Variants in ATP2C1 observed in about 807,000 individuals in gnomAD.
ATP2C1 encodes calcium-transporting ATPase type 2C member 1.
A neutral mutation model predicts 120.5 loss-of-function variants in ATP2C1; 31 were observed. That is an observed-to-expected ratio of 0.26 (90% CI 0.19 to 0.35). The LOEUF is 0.35. Among genes scored for constraint, ATP2C1 ranks in the 10% least tolerant of loss-of-function variants. ATP2C1 has a pLI of 1.00. For missense variants in ATP2C1, 731 were observed against 1,107.5 expected (o/e 0.66, Z 4.83); for synonymous variants, 351 against 358.7 (o/e 0.98, Z 0.24).
At chr3:130,860,199 C>G (rs1357196976) in intron 1 of ATP2C1, among the ~76,000 whole-genome samples, 1 of 152,144 alleles carries the variant, frequency 6.6e-6, no homozygotes. Flanking sequence ...CTATCCCATT[C>G]CATGTTTTAG....
chr3:130,894,692 T>C lies in ATP2C1; in HGVS notation c.-78T>C. The C allele has an allele frequency of 6.2e-7, 1 of 1,613,844 alleles. No individual in the cohort carries two copies. Among genetic ancestry groups the C allele is most frequent in the South Asian group, 1.1e-5 (1 of 91,064 alleles). ...GCTTCTCTTCCTTGTCCTCCTCCTC[T>C]CCTCTCTATTCCCAGTGTGGCCGTG... On this transcript the variant is annotated 5_prime_UTR_variant, in exon 2 of 28. Transcript: ENST00000510168. This position sits in a 1 kb window ranked among gnomAD's most constrained non-coding sequence, Gnocchi z 4.5.
intron 20 of ATP2C1, among the ~76,000 whole-genome samples, chr3:130,989,958 A>G (rs891530466): frequency 1.3e-5 from 2 of 152,118 alleles, no homozygotes; most frequent in Non-Finnish European, 2.9e-5. Flanking sequence ...GGATTTTTGA[A>G]CTTTTTTGAA....
intron 8 of ATP2C1, among the ~76,000 whole-genome samples, chr3:130,942,155 T>C (rs2059950472): frequency 6.6e-6 from 1 of 151,964 alleles, no homozygotes. Context: ...AATTGAAGAG[T>C]AGTACTGGAC....
intron 4 of ATP2C1, 33 bp downstream of exon 4, chr3:130,932,171 A>G (rs1477769007): frequency 8.1e-7 from 1 of 1,233,576 alleles, no homozygotes; most frequent in Non-Finnish European, 1.2e-6. Flanking sequence ...TCTACTGTGT[A>G]ATTTATTAAT....
intron 17 of ATP2C1, 111 bp downstream of exon 17, chr3:130,969,507 T>G: frequency 5.1e-6 from 4 of 786,738 alleles, no homozygotes; most frequent in Non-Finnish European, 8.9e-6. Flanking sequence ...ACTTGTTGCT[T>G]TAAAGTACAT....
chr3:130,940,668 A>G lies in ATP2C1; in HGVS notation c.399A>G (p.Lys133=). 1 of 1,612,700 alleles carries G rather than the reference A, an allele frequency of 6.2e-7. No individual in the cohort carries two copies. The highest frequency in any genetic ancestry group is 8.5e-7 in the Non-Finnish European group (1 of 1,179,014). ...AAAAATCTCTTGAAGAATTGAGTAA[A>G]CTTGTGCCACCAGAATGCCATTGGT... ...RSEKSLEELS[K]LVPPECHCVR... The change falls in exon 7 of 28, where the codon AAA becomes AAG. Residue 133 remains lysine (K), a synonymous_variant. Transcript: ENST00000510168.
intron 12 of ATP2C1, chr3:130,963,598 G>GT (rs2060923373): frequency 3.9e-6 from 1 of 255,584 alleles, no homozygotes; most frequent in African/African-American, 2.3e-5. Context: ...CGTGAATAGT[G>GT]TTGCCGTGAA....
intron 17 of ATP2C1, among the ~76,000 whole-genome samples, chr3:130,974,761 A>G (rs190937398): frequency 3.9e-5 from 6 of 152,338 alleles, no homozygotes; most frequent in Admixed American, 2.6e-4. Context: ...TGTTAAAAAC[A>G]TGAGGGTAAA....
chr3:130,967,086 C>A, intron 14 of ATP2C1, 59 bp from the exon 15 acceptor site: 1 of 1,319,960 alleles, frequency 7.6e-7, no homozygotes, highest in Non-Finnish European at 1.1e-6. Flanking sequence ...TTTTATAGGT[C>A]TTGTCACCAC....
At chr3:130,860,722 A>G (rs1576527702) in intron 1 of ATP2C1, among the ~76,000 whole-genome samples, 1 of 152,134 alleles carries the variant, frequency 6.6e-6, no homozygotes. Flanking sequence ...TCCCATAGAT[A>G]GGATTCCTTT....
At chr3:130,964,132 CG>C in intron 13 of ATP2C1, 37 bp downstream of exon 13, 1 of 1,608,958 alleles carries the variant, frequency 6.2e-7, no homozygotes, top group Non-Finnish European at 8.5e-7. Flanking sequence ...TGCAATGATG[CG>C]TAAGTTTATG....
chr3:130,961,484 C>G (rs553556697), intron 12 of ATP2C1, among the ~76,000 whole-genome samples: 3 of 151,804 alleles, frequency 2.0e-5, no homozygotes. Flanking sequence ...TTTACAATTT[C>G]TTCACCCTAG....
chr3:130,917,002 T>C (rs540644158), intron 2 of ATP2C1, among the ~76,000 whole-genome samples: 2 of 152,284 alleles, frequency 1.3e-5, no homozygotes, highest in African/African-American at 4.8e-5. Flanking sequence ...CTTGTGATGG[T>C]TTGACTTAGG....
At chr3:130,998,202 A>T in intron 25 of ATP2C1, 92 bp from the exon 26 acceptor site, 1 of 892,184 alleles carries the variant, frequency 1.1e-6, no homozygotes, top group Admixed American at 1.9e-5. Flanking sequence ...TTTCTTCCTA[A>T]TGGAAAGAAA....
chr3:130,934,243 C>G (rs1045786877), intron 4 of ATP2C1, among the ~76,000 whole-genome samples: 1 of 152,124 alleles, frequency 6.6e-6, no homozygotes, highest in African/African-American at 2.4e-5. Context: ...TCTCAGTGTT[C>G]TATTCAGTAT....
chr3:130,894,112 C>G lies in ATP2C1; in HGVS notation c.-406C>G, dbSNP rs553708590. The stretch of plus-strand genomic sequence containing the variant: ...CCAGCACGGCCTCGCGGAGCCGGCC[C>G]GGCGGACCGTGACGGGTCCCCTCAC... On this transcript the variant is annotated 5_prime_UTR_variant, in exon 1 of 28. Coordinates refer to ENST00000510168, the MANE Select transcript of ATP2C1 (RefSeq NM_001378687.1). This position sits in a 1 kb window ranked among gnomAD's most constrained non-coding sequence, Gnocchi z 4.5. The G allele has an allele frequency of 1.0e-6, 1 of 972,224 alleles. No homozygotes were observed. The highest frequency in any genetic ancestry group is 1.8e-5 in the African/African-American group (1 of 56,928). 60.2% of individuals were successfully genotyped at this position (972,224 alleles called of 1,614,324 possible).
At chr3:131,014,375 T>G in intron 26 of ATP2C1, 1 of 1,597,764 alleles carries the variant, frequency 6.3e-7, no homozygotes, top group Non-Finnish European at 8.5e-7. Flanking sequence ...GCACCAGGCT[T>G]CCACTGTACA....
chr3:130,868,802 G>A (rs7619151), intron 1 of ATP2C1: 20,530 of 108,496 alleles, frequency 0.19, 2,534 homozygotes, highest in Middle Eastern at 0.25. Flanking sequence ...GGAGAGTGGT[G>A]GGGGGGTCAG....
intron 20 of ATP2C1, among the ~76,000 whole-genome samples, chr3:130,991,204 G>A (rs1046962990): frequency 6.6e-6 from 1 of 152,178 alleles, no homozygotes; most frequent in African/African-American, 2.4e-5. Context: ...AGGAAGACCA[G>A]TATCGGTGGT....
Sources: allele counts gnomAD v4.1 joint callset (sites outside exome capture counted in the v4.1 genomes callset), GRCh38; gene constraint gnomAD v4.1.1; non-coding constraint Gnocchi (gnomAD v3.1); transcripts MANE v1.5; gene names NCBI Gene and HGNC (gene_info 2026-07-23, HGNC 2026-07-21).